CELF2: variants seen among roughly 807,000 people sequenced by gnomAD.
The protein encoded by CELF2 is CUGBP Elav-like family member 2.
CELF2 carries 8 observed loss-of-function variants against 62.6 expected under a neutral mutation model. That is an observed-to-expected ratio of 0.13 (90% confidence interval 0.07 to 0.23). The LOEUF is 0.23. CELF2 is among the 10% of genes least tolerant of loss of function. The pLI, the probability that CELF2 is intolerant of heterozygous loss-of-function variation, is 1.00. For synonymous variants in CELF2, 258 were observed against 250.0 expected (o/e 1.03, Z -0.30); for missense variants, 333 against 671.0 (o/e 0.50, Z 5.56).
At chr10:10,999,801 T>G (rs2054341172) in intron 2 of CELF2, among the ~76,000 whole-genome samples, 1 of 152,152 alleles carries the variant, frequency 6.6e-6, no homozygotes, top group Admixed American at 6.6e-5. Context: ...TTCTTAGGAT[T>G]CCCTAGAATC....
rs2093616185 is a variant in CELF2 at position 11,300,511 on chromosome 10, C to T, written c.976+11959C>T. On this transcript the variant is annotated intron_variant, in intron 9 of 12. Coordinates refer to ENST00000633077, the MANE Select transcript of CELF2 (RefSeq NM_001326342.2). This position sits in a 1 kb window ranked among gnomAD's most constrained non-coding sequence, Gnocchi z 5.5. The stretch of plus-strand genomic sequence containing the variant: ...ACCTCACCACTGCAGCGCCCAGTGT[C>T]ACTTTCCAACCCTACCTCCTCTTCC... Among the ~76,000 whole-genome samples, 2 of 152,342 alleles carry T rather than the reference C, an allele frequency of 1.3e-5. No homozygotes were observed. The highest frequency in any genetic ancestry group is 2.1e-4 in the South Asian group (1 of 4,828).
At chr10:11,307,260 C>T (rs935699673) in intron 9 of CELF2, among the ~76,000 whole-genome samples, 2 of 152,214 alleles carry the variant, frequency 1.3e-5, no homozygotes, top group Non-Finnish European at 2.9e-5. Flanking sequence ...TGGATGGGGG[C>T]GCAGCAGGCA....
At chr10:10,832,379 G>A (rs1366556544) in intron 1 of CELF2, among the ~76,000 whole-genome samples, 1 of 152,132 alleles carries the variant, frequency 6.6e-6, no homozygotes, top group Non-Finnish European at 1.5e-5. Flanking sequence ...AGCTACTCAC[G>A]GGTAGATTTC....
the CELF2 span, among the ~76,000 whole-genome samples, chr10:10,743,806 CT>C: frequency 6.6e-6 from 1 of 152,156 alleles, no homozygotes; most frequent in Admixed American, 6.5e-5. Context: ...AAAGACACTA[CT>C]TTAGGCAATT....
the CELF2 span, among the ~76,000 whole-genome samples, chr10:10,568,251 T>A: frequency 6.6e-6 from 1 of 151,746 alleles, no homozygotes; most frequent in East Asian, 1.9e-4. Context: ...ATACTTGATA[T>A]GGGTGTAAGA....
At chr10:10,677,961 CTT>C in the CELF2 span, among the ~76,000 whole-genome samples, 11 of 152,130 alleles carry the variant, frequency 7.2e-5, no homozygotes, top group Non-Finnish European at 1.5e-4. Flanking sequence ...ATCTGGGTGA[CTT>C]TTGAAAGACA....
chr10:11,180,891 A>T (rs1265060385), intron 2 of CELF2, among the ~76,000 whole-genome samples: 1 of 152,200 alleles, frequency 6.6e-6, no homozygotes, highest in Non-Finnish European at 1.5e-5. Flanking sequence ...TTATTTAAAG[A>T]CCAAGTCTTG....
At chr10:11,125,826 A>T (rs762598705) in intron 1 of CELF2, among the ~76,000 whole-genome samples, 8 of 152,106 alleles carry the variant, frequency 5.3e-5, no homozygotes, top group Non-Finnish European at 8.8e-5. Context: ...TTGGCAACTT[A>T]ATTTATATGT....
chr10:10,805,691 A>C (rs2055150889), intron 1 of CELF2, among the ~76,000 whole-genome samples: 1 of 152,178 alleles, frequency 6.6e-6, no homozygotes, highest in Non-Finnish European at 1.5e-5. Flanking sequence ...TTTATAGCTC[A>C]AGGTGGAGGC....
rs2082729550 is a variant in CELF2, at chr10:11,268,347, A to AC, written c.618+1672dup. Among the ~76,000 whole-genome samples, 4 of 152,134 alleles carry AC rather than the reference A, an allele frequency of 2.6e-5. No individual in the cohort carries two copies. In the South Asian group the frequency reaches 8.3e-4, roughly 32 times the overall value. The stretch of plus-strand genomic sequence containing the variant: ...TTGGTCTCACCTGAGATAATTTTGA[A>AC]CCTCAATTCTTCAGTGTTTCTGTTA... On this transcript the variant is annotated intron_variant, in intron 6 of 12. Coordinates refer to ENST00000633077, the MANE Select transcript of CELF2 (RefSeq NM_001326342.2). The surrounding 1 kb of genome is among the most constrained non-coding windows in gnomAD (Gnocchi z 4.7).
At chr10:10,669,066 A>T in the CELF2 span, among the ~76,000 whole-genome samples, 1 of 152,184 alleles carries the variant, frequency 6.6e-6, no homozygotes, top group Non-Finnish European at 1.5e-5. Flanking sequence ...ATCACAAAAT[A>T]TTTTTATACC....
chr10:11,070,914 A>T (rs1014963128), intron 1 of CELF2, among the ~76,000 whole-genome samples: 134 of 152,302 alleles, frequency 8.8e-4, no homozygotes, highest in African/African-American at 2.6e-3. Context: ...ACTCCAATAA[A>T]GTGATGAGAT....
Position 11,159,847 on chromosome 10 carries a change from A to G in CELF2, c.75-5639A>G, listed in dbSNP as rs2065297677. On this transcript the variant is annotated intron_variant, in intron 1 of 12. Transcript: ENST00000633077. This position sits in a 1 kb window ranked among gnomAD's most constrained non-coding sequence, Gnocchi z 5.0. ...TAAGTACAAGTGATATTTAAAAATGATTCCTGAGCCCTTTGAAAGAGTGGC... is the reference window on the plus strand; with the variant it reads ...TAAGTACAAGTGATATTTAAAAATGGTTCCTGAGCCCTTTGAAAGAGTGGC... 6.6e-6 allele frequency among the ~76,000 whole-genome samples: 1 copy of G among 152,240 alleles called. No homozygotes were observed. Among genetic ancestry groups the G allele is most frequent in the African/African-American group, 2.4e-5 (1 of 41,454 alleles).
the CELF2 span, among the ~76,000 whole-genome samples, chr10:10,591,074 C>T: frequency 6.6e-6 from 1 of 152,092 alleles, no homozygotes; most frequent in South Asian, 2.1e-4. Flanking sequence ...ACTCCTATTA[C>T]CATTGAGTGA....
upstream of CELF2, among the ~76,000 whole-genome samples, chr10:11,014,703 CG>C (rs2056991189): frequency 6.6e-6 from 1 of 151,926 alleles, no homozygotes; most frequent in Non-Finnish European, 1.5e-5. Context: ...GGTTCGAAGA[CG>C]GAAGTGGAGC....
chr10:10,926,099 G>C (rs1369567239), intron 2 of CELF2, among the ~76,000 whole-genome samples: 7 of 152,150 alleles, frequency 4.6e-5, no homozygotes, highest in Admixed American at 1.3e-4. Flanking sequence ...TAAAAATGCA[G>C]GTTGAGTTTG....
In CELF2 at chr10:11,243,200, G is replaced by T. The variant is rs995860912; in HGVS notation, c.355-5953G>T. On this transcript the variant is annotated intron_variant, in intron 3 of 12. Transcript: ENST00000633077. The surrounding 1 kb of genome is among the most constrained non-coding windows in gnomAD (Gnocchi z 4.1). ...TCAGCAGATGCCTTCTTGGGACCGCGCTTGACTCTAGTTCCTTCTCCCCGG... is the reference window on the plus strand; with the variant it reads ...TCAGCAGATGCCTTCTTGGGACCGCTCTTGACTCTAGTTCCTTCTCCCCGG... Among the ~76,000 whole-genome samples, 1 of 152,068 alleles carries T rather than the reference G, an allele frequency of 6.6e-6. No individual in the cohort carries two copies. Among genetic ancestry groups the T allele is most frequent in the South Asian group, 2.1e-4 (1 of 4,822 alleles).
At position 10,919,725 on chromosome 10, in the gene CELF2, C is replaced by T. The variant is rs148464194; in HGVS notation, c.54-239C>T. Reference sequence around the variant, plus strand: ...TTTTGAACTTCATTGTATTCAACCACCAGAAAGTAGAGGCAGATATTTTGC... The same window carrying T: ...TTTTGAACTTCATTGTATTCAACCATCAGAAAGTAGAGGCAGATATTTTGC... On this transcript the variant is annotated intron_variant, in intron 1 of 13. Transcript: ENST00000636488. Among the ~76,000 whole-genome samples the T allele has an allele frequency of 6.3e-3, 958 of 152,188 alleles. 6 individuals carry two copies. The highest frequency in any genetic ancestry group is 0.014 in the Middle Eastern group (4 of 294).
intron 2 of CELF2, among the ~76,000 whole-genome samples, chr10:10,967,044 C>A (rs937550265): frequency 6.6e-6 from 1 of 152,176 alleles, no homozygotes; most frequent in African/African-American, 2.4e-5. Context: ...GAGCAAAGAA[C>A]AATTCGAGAA....
Sources: allele counts gnomAD v4.1 joint callset (sites outside exome capture counted in the v4.1 genomes callset), GRCh38; gene constraint gnomAD v4.1.1; non-coding constraint Gnocchi (gnomAD v3.1); transcripts MANE v1.5; gene names NCBI Gene and HGNC (gene_info 2026-07-23, HGNC 2026-07-21).